Variants in RHNO1 observed in about 807,000 individuals in gnomAD.
RHNO1 encodes the protein RAD9-HUS1-RAD1 interacting nuclear orphan 1.
In RHNO1, 9 loss-of-function variants were observed where a neutral mutation model predicts 7.2. The observed-to-expected ratio is 1.25, with a 90% CI of 0.75 to 2.18. RHNO1 has a LOEUF of 2.18. RHNO1 is among the 30% of genes most tolerant of loss of function. The probability of loss-of-function intolerance (pLI) is 0.00; values close to 1 mark genes in which losing one functional copy is unlikely to be tolerated. For synonymous variants in RHNO1, 95 were observed against 107.5 expected (o/e 0.88, Z 0.72); for missense variants, 292 against 284.5 (o/e 1.03, Z -0.19).
rs1603503369 is a variant in RHNO1 at position 2,888,003 on chromosome 12, C to T, written c.261C>T (p.Thr87=). ...CGAGACACTCAAGTCGAAAACCTAC[C>T]ACCTCCAAGTTTCCACATCTAACTT... ...NRARHSSRKP[T]TSKFPHLTFE... is the part of the protein sequence containing the mutation. Residue 87 remains threonine (T), a synonymous_variant, in exon 3 of 3, where the codon ACC becomes ACT. Transcript: ENST00000489288. 6.2e-7 allele frequency: 1 copy of T among 1,613,930 alleles called. No homozygotes were observed. Among genetic ancestry groups the T allele is most frequent in the Admixed American group, 1.7e-5 (1 of 59,976 alleles).
chr12:2,885,149 TTGG>T (rs369942111), intron 1 of RHNO1, 131 bp from the exon 2 acceptor site: 136 of 489,618 alleles, frequency 2.8e-4, no homozygotes, highest in African/African-American at 2.6e-3. Flanking sequence ...TGTGTTTTGC[TTGG>T]TGGTTGTAGG....
chr12:2,887,179 T>C, intron 2 of RHNO1: 3 of 271,556 alleles, frequency 1.1e-5, no homozygotes, highest in South Asian at 1.1e-4. Flanking sequence ...TCTGACTCTA[T>C]TAAAAATATA....
At chr12:2,885,812 T>C in intron 2 of RHNO1, 1 of 231,750 alleles carries the variant, frequency 4.3e-6, no homozygotes, top group Non-Finnish European at 8.4e-6. Context: ...CCTGACCTCG[T>C]GATCCGCCCG....
At chr12:2,887,825 G>A (rs1018118186) in intron 2 of RHNO1, 86 bp from the exon 3 acceptor site, 38 of 1,122,980 alleles carry the variant, frequency 3.4e-5, no homozygotes, top group Admixed American at 2.0e-4. Context: ...AGTAGACCCC[G>A]ATTTAAGAGT....
chr12:2,879,952 G>A (rs893375372), intron 1 of RHNO1, among the ~76,000 whole-genome samples: 2 of 151,970 alleles, frequency 1.3e-5, no homozygotes, highest in African/African-American at 2.4e-5. Context: ...TATTTCCTTT[G>A]ATGTCTTCTG....
At chr12:2,883,511 A>ATTTTTT (rs869192550) in intron 1 of RHNO1, among the ~76,000 whole-genome samples, 5 of 26,826 alleles carry the variant, frequency 1.9e-4, no homozygotes, top group Non-Finnish European at 1.9e-4. Context: ...ATATATATAT[A>ATTTTTT]TTTTTTTTTT....
rs568800612 is a variant in RHNO1, at chr12:2,879,502, T to G, written c.-85+2220T>G. Among the ~76,000 whole-genome samples, 4 of 151,920 alleles carry G rather than the reference T, an allele frequency of 2.6e-5. No individual in the cohort carries two copies. The East Asian group carries it at 7.7e-4, about 29-fold the overall frequency. Reference sequence around the variant, plus strand: ...TGCACGCAGCCGTGCCCACCTGATTTTTTGTATTTTTTGTAGAATTTGGGT... The same window carrying G: ...TGCACGCAGCCGTGCCCACCTGATTGTTTGTATTTTTTGTAGAATTTGGGT... On this transcript the variant is annotated intron_variant, in intron 1 of 2. Transcript: ENST00000489288.
At chr12:2,885,242 A>T in intron 1 of RHNO1, 41 bp from the exon 2 acceptor site, 1 of 841,268 alleles carries the variant, frequency 1.2e-6, no homozygotes, top group Non-Finnish European at 1.9e-6. Flanking sequence ...CTGGGGAATC[A>T]TCTGAATTAT....
chr12:2,882,747 A>G (rs2098159668), intron 1 of RHNO1, among the ~76,000 whole-genome samples: 1 of 151,886 alleles, frequency 6.6e-6, no homozygotes, highest in Non-Finnish European at 1.5e-5. Context: ...CAAGGGGTTG[A>G]GTTGACTGTT....
At chr12:2,883,500 TATATATATA>T (rs1565488222) in intron 1 of RHNO1, among the ~76,000 whole-genome samples, 3 of 24,728 alleles carry the variant, frequency 1.2e-4, no homozygotes, top group East Asian at 1.7e-3. Context: ...TATATATATA[TATATATATA>T]TATTTTTTTT....
chr12:2,884,703 G>A (rs1360646921), intron 1 of RHNO1, among the ~76,000 whole-genome samples: 1 of 151,708 alleles, frequency 6.6e-6, no homozygotes, highest in Non-Finnish European at 1.5e-5. Flanking sequence ...CTGACACCAT[G>A]TTTATCCTGA....
intron 2 of RHNO1, among the ~76,000 whole-genome samples, 178 bp from the exon 3 acceptor site, chr12:2,887,733 G>A (rs2098167283): frequency 6.6e-6 from 1 of 151,960 alleles, no homozygotes; most frequent in Non-Finnish European, 1.5e-5. Context: ...GAAGCTGAAG[G>A]CCGGAGAGAT....
chr12:2,881,961 A>T (rs1368011049), intron 1 of RHNO1, among the ~76,000 whole-genome samples: 1 of 150,854 alleles, frequency 6.6e-6, no homozygotes, highest in Non-Finnish European at 1.5e-5. Flanking sequence ...CTTAACCTGT[A>T]TCTCTACTGC....
chr12:2,884,828 G>T (rs901727880), intron 1 of RHNO1, among the ~76,000 whole-genome samples: 5 of 152,162 alleles, frequency 3.3e-5, no homozygotes, highest in Non-Finnish European at 7.3e-5. Context: ...CCTCAGGCTG[G>T]AGTGCCCTCC....
In RHNO1 at chr12:2,888,224, A is replaced by C. The variant is rs773229626; in HGVS notation, c.482A>C (p.Glu161Ala). 2.2e-5 allele frequency: 35 copies of C among 1,613,998 alleles called. 1 individual carries two copies. In the South Asian group the frequency reaches 3.7e-4, roughly 17 times the overall value. ...ATTCCACCTGATATCCAGACCCCAG[A>C]GTCATCGTCTGTGAAGGAAGAACTC... ...VFIPPDIQTP[E>A]SSSVKEELIP... is the part of the protein sequence containing the mutation. The change falls in exon 3 of 3, where the codon GAG (glutamate) becomes GCG (alanine). Residue 161 changes from glutamate (E) to alanine (A), a missense_variant. Physicochemically the swap from Glu to Ala is moderately radical, Grantham distance 107 (BLOSUM62 -1). Coordinates refer to ENST00000489288, the MANE Select transcript of RHNO1 (RefSeq NM_001252499.3).
intron 1 of RHNO1, among the ~76,000 whole-genome samples, chr12:2,878,437 C>CTGAATGGAGTG (rs1241201845): frequency 1.3e-5 from 2 of 151,898 alleles, no homozygotes; most frequent in Non-Finnish European, 2.9e-5. Context: ...GCTAATCGAC[C>CTGAATGGAGTG]TGAATGGAGT....
intron 1 of RHNO1, among the ~76,000 whole-genome samples, chr12:2,883,645 T>G (rs1393727139): frequency 6.7e-6 from 1 of 148,958 alleles, no homozygotes; most frequent in East Asian, 2.0e-4. Context: ...AGCCTCCGAG[T>G]AGCTGGGATT....
In RHNO1 at chr12:2,877,273, G is replaced by C. The variant is rs1441359022; in HGVS notation, c.-94G>C. On this transcript the variant is annotated 5_prime_UTR_variant, in exon 1 of 3. Transcript: ENST00000489288. ...CTGCCAGGAGCTGCGGCCCCGTCCG[G>C]CCCGGGCTGGTAAGGCGGACCGCAG... is the stretch of plus-strand genomic sequence containing the variant. 2 of 152,246 alleles carry C rather than the reference G, an allele frequency of 1.3e-5. No homozygotes were observed. The highest frequency in any genetic ancestry group is 2.9e-5 in the Non-Finnish European group (2 of 68,048). The allele number at this position is 152,246 out of a possible 1,614,324, so 9.4% of individuals were successfully genotyped here.
intron 2 of RHNO1, among the ~76,000 whole-genome samples, chr12:2,887,510 G>T (rs1458259132): frequency 6.6e-6 from 1 of 151,528 alleles, no homozygotes; most frequent in African/African-American, 2.4e-5. Flanking sequence ...ATACCTGGGC[G>T]TGGTGGCAGG....
Sources: allele counts gnomAD v4.1 joint callset (sites outside exome capture counted in the v4.1 genomes callset), GRCh38; gene constraint gnomAD v4.1.1; transcripts MANE v1.5; gene names NCBI Gene and HGNC (gene_info 2026-07-23, HGNC 2026-07-21).